EXOC4: variants seen among roughly 807,000 people sequenced by gnomAD.
EXOC4 encodes SEC8-like 1.
Under a neutral mutation model 107.2 loss-of-function variants are expected in EXOC4, and 71 were observed. That is an observed-to-expected ratio of 0.66 (90% CI 0.55 to 0.81). The LOEUF (loss-of-function observed/expected upper bound fraction) is 0.81. EXOC4 is among the 30% of genes least tolerant of loss of function. The pLI, the probability that EXOC4 is intolerant of heterozygous loss-of-function variation, is 0.00. For synonymous variants in EXOC4, 456 were observed against 441.2 expected (o/e 1.03, Z -0.42); for missense variants, 1,108 against 1,189.6 (o/e 0.93, Z 1.01).
chr7:133,790,796 A>G (rs894839726), intron 10 of EXOC4, among the ~76,000 whole-genome samples: 2 of 152,216 alleles, frequency 1.3e-5, no homozygotes, highest in African/African-American at 2.4e-5. Flanking sequence ...GGCTCTCTGG[A>G]ACCTGCTTGT....
intron 6 of EXOC4, among the ~76,000 whole-genome samples, chr7:133,373,771 T>A (rs572130686): frequency 6.6e-6 from 1 of 152,328 alleles, no homozygotes; most frequent in African/African-American, 2.4e-5. Context: ...TTGTTCATGC[T>A]ATACACATTA....
In EXOC4 at chr7:133,990,117, TTTTC is replaced by T. The variant is rs371454966; in HGVS notation, c.2207-7371_2207-7368del. ...ATATCCATCACCTCAAACATTTATCTTTTCTTTATGTTGAGAACATCACAATTCT... is the reference window on the plus strand; with the variant it reads ...ATATCCATCACCTCAAACATTTATCTTTTATGTTGAGAACATCACAATTCT... On this transcript the variant is annotated intron_variant, in intron 14 of 17. Transcript: ENST00000253861. Among the ~76,000 whole-genome samples the T allele has an allele frequency of 2.2e-4, 34 of 152,296 alleles. No individual in the cohort carries two copies. The East Asian group carries it at 5.8e-3, about 26-fold the overall frequency.
chr7:133,655,298 T>C (rs893942109), intron 10 of EXOC4, among the ~76,000 whole-genome samples: 32 of 152,156 alleles, frequency 2.1e-4, no homozygotes, highest in Non-Finnish European at 3.8e-4. Flanking sequence ...TTAGGGTAGT[T>C]AGCATATCTA....
chr7:133,307,372 G>C (rs187144636), intron 4 of EXOC4, among the ~76,000 whole-genome samples: 87 of 152,296 alleles, frequency 5.7e-4, no homozygotes, highest in Non-Finnish European at 9.4e-4. Flanking sequence ...AATAGGGGAA[G>C]TGCTAAGGCA....
chr7:133,992,725 C>T (rs752178840), intron 14 of EXOC4, among the ~76,000 whole-genome samples: 3 of 149,190 alleles, frequency 2.0e-5, no homozygotes, highest in Non-Finnish European at 4.4e-5. Context: ...TTCTTCCTTT[C>T]TATCTTGGAT....
intron 10 of EXOC4, among the ~76,000 whole-genome samples, chr7:133,711,496 A>C (rs1794892552): frequency 6.6e-6 from 1 of 152,196 alleles, no homozygotes; most frequent in African/African-American, 2.4e-5. Context: ...GGATGTTTTT[A>C]GGGAAAATAG....
chr7:133,540,127 A>AT (rs1800350707), intron 9 of EXOC4, among the ~76,000 whole-genome samples: 1 of 152,136 alleles, frequency 6.6e-6, no homozygotes, highest in South Asian at 2.1e-4. Context: ...AACATAAGGC[A>AT]TTTTTTGTTA....
chr7:134,015,412 G>T (rs1158588954), intron 17 of EXOC4, among the ~76,000 whole-genome samples: 2 of 152,196 alleles, frequency 1.3e-5, no homozygotes, highest in South Asian at 2.1e-4. Context: ...TACTTGTGGG[G>T]TGTTAAAGTT....
chr7:133,846,260 T>G (rs548865693), intron 11 of EXOC4, among the ~76,000 whole-genome samples: 1 of 152,358 alleles, frequency 6.6e-6, no homozygotes, highest in African/African-American at 2.4e-5. Context: ...CTTTTAAGTC[T>G]TTAGTTCAAT....
intron 15 of EXOC4, among the ~76,000 whole-genome samples, chr7:134,004,010 C>T (rs1429801076): frequency 1.3e-5 from 2 of 152,122 alleles, no homozygotes; most frequent in African/African-American, 2.4e-5. Flanking sequence ...TCAAGCATCA[C>T]CTTCTGTCAG....
chr7:133,681,787 G>C (rs891824732), intron 10 of EXOC4, among the ~76,000 whole-genome samples: 1 of 151,956 alleles, frequency 6.6e-6, no homozygotes, highest in Non-Finnish European at 1.5e-5. Context: ...CTCACTATGA[G>C]ATAAGGAAGT....
chr7:133,798,650 A>G (rs183956712), intron 10 of EXOC4, among the ~76,000 whole-genome samples: 179 of 152,306 alleles, frequency 1.2e-3, no homozygotes, highest in African/African-American at 4.2e-3. Context: ...ACAGTTAAAT[A>G]TCTGGGAAAG....
At chr7:133,705,753 G>A (rs546132630) in intron 10 of EXOC4, among the ~76,000 whole-genome samples, 4 of 152,280 alleles carry the variant, frequency 2.6e-5, no homozygotes, top group Non-Finnish European at 4.4e-5. Flanking sequence ...AGCGTAAAAC[G>A]CACGGATACA....
At chr7:134,098,136 C>G in the EXOC4 span, among the ~76,000 whole-genome samples, 17 of 152,176 alleles carry the variant, frequency 1.1e-4, no homozygotes, top group Non-Finnish European at 1.9e-4. Flanking sequence ...TGCTTAATTC[C>G]AAACATATTC....
intron 10 of EXOC4, among the ~76,000 whole-genome samples, chr7:133,798,008 T>C (rs1457943283): frequency 1.3e-5 from 2 of 152,180 alleles, no homozygotes; most frequent in African/African-American, 2.4e-5. Flanking sequence ...AGGTGATGTA[T>C]GTGCTGGCAC....
At position 134,050,702 on chromosome 7, in the gene EXOC4, C is replaced by T. The variant is rs138403522; in HGVS notation, c.2688-13589C>T. ...GAGTAGCTCAATTTGGTTTGAATGG[C>T]AGGTTGAAGCAGGGAAGAACTGGGA... On this transcript the variant is annotated intron_variant, in intron 17 of 17. Transcript: ENST00000253861. Among the ~76,000 whole-genome samples the T allele has an allele frequency of 2.2e-3, 340 of 152,132 alleles. 1 individual carries two copies. Among genetic ancestry groups the T allele is most frequent in the African/African-American group, 7.7e-3 (321 of 41,480 alleles).
At chr7:133,844,201 C>G (rs1010169863) in intron 11 of EXOC4, among the ~76,000 whole-genome samples, 14 of 151,942 alleles carry the variant, frequency 9.2e-5, no homozygotes, top group African/African-American at 3.4e-4. Context: ...AGGAGTCCCT[C>G]CTTCTCAATT....
At chr7:133,903,621 A>T (rs182223191) in intron 12 of EXOC4, among the ~76,000 whole-genome samples, 1 of 152,336 alleles carries the variant, frequency 6.6e-6, no homozygotes, top group Non-Finnish European at 1.5e-5. Context: ...ATCAGTGCTT[A>T]AATTTAGAGT....
chr7:133,356,840 C>A (rs931477686), intron 6 of EXOC4, among the ~76,000 whole-genome samples: 4 of 152,156 alleles, frequency 2.6e-5, no homozygotes, highest in African/African-American at 9.6e-5. Context: ...ATTAGCTGGG[C>A]ATGGTAGTGC....
Sources: gnomAD v4.1 joint callset for allele counts (sites outside exome capture counted in the v4.1 genomes callset) on GRCh38, gnomAD v4.1.1 for gene constraint, MANE v1.5 for transcripts, NCBI Gene and HGNC (gene_info 2026-07-23, HGNC 2026-07-21) for gene names.